The following FGFRL1 variants were observed in gnomAD, a reference collection of about 807,000 sequenced individuals.
FGFRL1 encodes the protein fibroblast growth factor receptor like 1.
A neutral mutation model predicts 36.8 loss-of-function variants in FGFRL1; 24 were observed. That is an observed-to-expected ratio of 0.65 (90% CI 0.47 to 0.92). The LOEUF (loss-of-function observed/expected upper bound fraction) is 0.92. Ranked by LOEUF, FGFRL1 falls within the 40% of genes least tolerant of loss-of-function variation. The probability of loss-of-function intolerance (pLI) is 0.00; values close to 1 mark genes in which losing one functional copy is unlikely to be tolerated. For synonymous variants in FGFRL1, 422 were observed against 344.1 expected, an observed-to-expected ratio of 1.23 and a Z score of -2.50; for missense variants, 785 against 753.4, an observed-to-expected ratio of 1.04 and a Z score of -0.49.
At chr4:1,012,047 C>T (rs960509929) in intron 1 of FGFRL1, 93 bp downstream of exon 1, 1 of 145,486 alleles carries the variant, frequency 6.9e-6, no homozygotes, top group African/African-American at 2.5e-5. Flanking sequence ...GGGTTCGGGG[C>T]CCCAGCTGGG....
At chr4:1,014,898 C>T (rs556897730) in intron 2 of FGFRL1, among the ~76,000 whole-genome samples, 3 of 152,342 alleles carry the variant, frequency 2.0e-5, no homozygotes, top group South Asian at 4.1e-4. Flanking sequence ...TGAACAAAGT[C>T]GCCTTTGGCT....
At chr4:1,014,826 C>T (rs758183479) in intron 2 of FGFRL1, among the ~76,000 whole-genome samples, 2 of 152,174 alleles carry the variant, frequency 1.3e-5, no homozygotes, top group African/African-American at 2.4e-5. Flanking sequence ...GTTTCCATCT[C>T]GGGGCCCCAC....
In FGFRL1 at chr4:1,022,823, G is replaced by T. The variant is rs1198825602; in HGVS notation, c.352+348G>T. Among the ~76,000 whole-genome samples, 3 of 152,158 alleles carry T rather than the reference G, an allele frequency of 2.0e-5. 1 individual carries two copies. Among genetic ancestry groups the T allele is most frequent in the Admixed American group, 1.3e-4 (2 of 15,278 alleles). ...CTGTGACTTTGAGGCTCGGGTTTCG[G>T]AGTTCAGAGGAGCCGCCGGGATGCG... On this transcript the variant is annotated intron_variant, in intron 3 of 6. Coordinates refer to ENST00000510644, the MANE Select transcript of FGFRL1 (RefSeq NM_001004356.3).
chr4:1,021,305 G>C (rs1022585910), intron 2 of FGFRL1, among the ~76,000 whole-genome samples: 1 of 152,070 alleles, frequency 6.6e-6, no homozygotes, highest in Non-Finnish European at 1.5e-5. Flanking sequence ...GGGTGGGATG[G>C]TGCAGGTGGC....
At chr4:1,022,942 C>T (rs1716278027) in intron 3 of FGFRL1, among the ~76,000 whole-genome samples, 1 of 152,134 alleles carries the variant, frequency 6.6e-6, no homozygotes, top group Non-Finnish European at 1.5e-5. Flanking sequence ...GGACCCGGCA[C>T]CCCGCCTGCT....
chr4:1,011,459 C>A (rs1391565203), upstream of FGFRL1, among the ~76,000 whole-genome samples: 1 of 142,378 alleles, frequency 7.0e-6, no homozygotes, highest in African/African-American at 2.6e-5. Context: ...ACGTCCGCAC[C>A]GCGAGGGTTA....
At chr4:1,012,332 CG>C in intron 1 of FGFRL1, 137 bp from the exon 2 acceptor site, 1 of 892,956 alleles carries the variant, frequency 1.1e-6, no homozygotes, top group Non-Finnish European at 1.6e-6. Context: ...CTCCCCGCTG[CG>C]GCTTCCTCCG....
intron 2 of FGFRL1, among the ~76,000 whole-genome samples, chr4:1,013,168 G>T (rs898042162): frequency 6.6e-6 from 1 of 152,234 alleles, no homozygotes; most frequent in Non-Finnish European, 1.5e-5. Context: ...CTGGGCACAC[G>T]CTGTGCTGGC....
intron 2 of FGFRL1, among the ~76,000 whole-genome samples, chr4:1,014,576 TG>T (rs1553918770): frequency 8.9e-4 from 135 of 152,270 alleles, no homozygotes; most frequent in African/African-American, 3.1e-3. Flanking sequence ...GCCCCATGCC[TG>T]GGGGGTAGCG....
At position 1,023,700 on chromosome 4, in the gene FGFRL1, G is replaced by A. The variant is rs763233631; in HGVS notation, c.412G>A (p.Asp138Asn). 8 of 1,568,208 alleles carry A rather than the reference G, an allele frequency of 5.1e-6. No individual in the cohort carries two copies. The Admixed American group carries it at 1.1e-4, about 21-fold the overall frequency. Residue 138 changes from aspartate (D) to asparagine (N), a missense_variant, in exon 4 of 7, where the codon GAC (aspartate) becomes AAC (asparagine). Transcript: ENST00000510644. This position sits in a 1 kb window ranked among gnomAD's most constrained non-coding sequence, Gnocchi z 6.0. Reference protein sequence around the residue: ...GPDSSSGGQEDPASQQWARPR... With the variant: ...GPDSSSGGQENPASQQWARPR... Reference sequence around the variant, plus strand: ...CGACAGCTCCTCTGGGGGTCAAGAGGACCCCGCCAGCCAGCAGTGGGGTGA... The same window carrying A: ...CGACAGCTCCTCTGGGGGTCAAGAGAACCCCGCCAGCCAGCAGTGGGGTGA...
chr4:1,010,557 G>T (rs1715531300), upstream of FGFRL1, among the ~76,000 whole-genome samples: 2 of 152,252 alleles, frequency 1.3e-5, no homozygotes, highest in Admixed American at 1.3e-4. Flanking sequence ...TGGAAGAGGG[G>T]GCTTCAGGCC....
At chr4:1,018,334 G>A (rs1715999387) in intron 2 of FGFRL1, among the ~76,000 whole-genome samples, 1 of 143,134 alleles carries the variant, frequency 7.0e-6, no homozygotes, top group Non-Finnish European at 1.5e-5. Context: ...TTCCCTAGTT[G>A]TGTTTTTTAC....
chr4:1,010,855 G>C (rs1040817813), upstream of FGFRL1: 3 of 152,274 alleles, frequency 2.0e-5, no homozygotes, highest in Non-Finnish European at 4.4e-5. Context: ...CGCCTGCCCG[G>C]TAGCGGAGAT....
Position 1,025,560 on chromosome 4 carries a change from G to T in FGFRL1, c.*213G>T. 1.6e-6 allele frequency: 1 copy of T among 644,840 alleles called. No homozygotes were observed. Among genetic ancestry groups the T allele is most frequent in the Non-Finnish European group, 2.6e-6 (1 of 381,590 alleles). The allele number at this position is 644,840 out of a possible 1,614,324, so 39.9% of individuals were successfully genotyped here. A position where few individuals can be genotyped will look rare whatever the true frequency, so the allele number is the denominator to read the frequency against. On this transcript the variant is annotated 3_prime_UTR_variant, in exon 7 of 7. Coordinates refer to ENST00000510644, the MANE Select transcript of FGFRL1 (RefSeq NM_001004356.3). ...TGTATGCACACACATGCGCGCACACGTGCTCCCTGAAGGCACACGTACGCA... is the reference window on the plus strand; with the variant it reads ...TGTATGCACACACATGCGCGCACACTTGCTCCCTGAAGGCACACGTACGCA...
At chr4:1,022,541 C>T (rs113785389) in intron 3 of FGFRL1, 66 bp downstream of exon 3, 35 of 1,508,180 alleles carry the variant, frequency 2.3e-5, no homozygotes, top group South Asian at 6.5e-5. Context: ...TGCAGGAGGG[C>T]GGACGGGGAC....
upstream of FGFRL1, chr4:1,010,242 G>A (rs1715519896): frequency 6.6e-6 from 1 of 152,244 alleles, no homozygotes; most frequent in Admixed American, 6.5e-5. Flanking sequence ...CCCGCCGGGA[G>A]GACCACGCGG....
At chr4:1,013,470 A>G (rs1715718154) in intron 2 of FGFRL1, among the ~76,000 whole-genome samples, 1 of 152,132 alleles carries the variant, frequency 6.6e-6, no homozygotes, top group South Asian at 2.1e-4. Flanking sequence ...CTGGCCTTAT[A>G]TGGGCACGTT....
chr4:1,025,562 GC>G lies in FGFRL1; in HGVS notation c.*216del. The stretch of plus-strand genomic sequence containing the variant: ...TATGCACACACATGCGCGCACACGT[GC>G]TCCCTGAAGGCACACGTACGCACAC... On this transcript the variant is annotated 3_prime_UTR_variant, in exon 7 of 7. Transcript: ENST00000510644. 1.6e-6 allele frequency: 1 copy of G among 637,612 alleles called. No individual in the cohort carries two copies. The highest frequency in any genetic ancestry group is 3.2e-5 in the Admixed American group (1 of 31,670). The allele number at this position is 637,612 out of a possible 1,614,324, so 39.5% of individuals were successfully genotyped here. A position where few individuals can be genotyped will look rare whatever the true frequency, so the allele number is the denominator to read the frequency against.
Position 1,022,609 on chromosome 4 carries a change from G to A in FGFRL1, c.352+134G>A. ...GCAGAAAGCCTTCCTTCGGTGCCCT[G>A]CCCCACCTCAGCTGGCTGCACCTCT... On this transcript the variant is annotated intron_variant, in intron 3 of 6. Coordinates refer to ENST00000510644, the MANE Select transcript of FGFRL1 (RefSeq NM_001004356.3). 4.4e-6 allele frequency: 5 copies of A among 1,144,178 alleles called. No homozygotes were observed. In the South Asian group the frequency reaches 8.2e-5, roughly 19 times the overall value. 70.9% of individuals were successfully genotyped at this position (1,144,178 alleles called of 1,614,324 possible). A position where few individuals can be genotyped will look rare whatever the true frequency, so the allele number is the denominator to read the frequency against.
Sources: allele counts gnomAD v4.1 joint callset (sites outside exome capture counted in the v4.1 genomes callset), GRCh38; gene constraint gnomAD v4.1.1; non-coding constraint Gnocchi (gnomAD v3.1); transcripts MANE v1.5; gene names NCBI Gene and HGNC (gene_info 2026-07-23, HGNC 2026-07-21).